Variants in WNK3 observed in about 807,000 individuals in gnomAD.
The protein encoded by WNK3 is WNK lysine deficient protein kinase 3, also known as serine/threonine-protein kinase WNK3.
A neutral mutation model predicts 116.7 loss-of-function variants in WNK3; 18 were observed. The observed-to-expected ratio is 0.15, with a 90% CI of 0.11 to 0.23. The LOEUF (loss-of-function observed/expected upper bound fraction) is 0.23, where lower values mean the gene tolerates loss of function less well. Among genes scored for constraint, WNK3 ranks in the 10% least tolerant of loss-of-function variants. The pLI, the probability that WNK3 is intolerant of heterozygous loss-of-function variation, is 1.00. For synonymous variants in WNK3, 404 were observed against 469.4 expected, an observed-to-expected ratio of 0.86 and a Z score of 1.80; for missense variants, 993 against 1,323.8, an observed-to-expected ratio of 0.75 and a Z score of 3.88.
At chrX:54,347,644 C>T (rs967584693) in intron 1 of WNK3, among the ~76,000 whole-genome samples, 5 of 100,070 alleles carry the variant, frequency 5.0e-5, no homozygotes, top group Middle Eastern at 5.0e-3. Flanking sequence ...AGTGAGACCC[C>T]GTCTCAAAAA....
chrX:54,302,959 A>C (rs1259257532), intron 5 of WNK3, among the ~76,000 whole-genome samples: 3 of 78,217 alleles, frequency 3.8e-5, no homozygotes, highest in Non-Finnish European at 7.1e-5. Context: ...TTTTGTAGAG[A>C]CAAGGTCTTG....
chrX:54,314,478 G>C (rs1230842321), intron 2 of WNK3, among the ~76,000 whole-genome samples: 2 of 111,406 alleles, frequency 1.8e-5, no homozygotes, highest in African/African-American at 6.5e-5. Flanking sequence ...TTAACTAAGA[G>C]ATGTAGCAGG....
intron 2 of WNK3, among the ~76,000 whole-genome samples, chrX:54,312,447 T>C (rs1557169868): frequency 9.0e-6 from 1 of 111,359 alleles, no homozygotes; most frequent in African/African-American, 3.3e-5. Flanking sequence ...TTCTCATTCC[T>C]TTTTTTTCTA....
In WNK3 at chrX:54,225,184, G is replaced by C. The variant is rs781855051; in HGVS notation, c.4870+3530C>G. ...ATCACTTGAGTGAGACCAGGAGGTT[G>C]AGGCTGCAGTGAACAATGATCATGC... On this transcript the variant is annotated intron_variant, in intron 22 of 23. Coordinates refer to ENST00000354646, the Ensembl canonical transcript of WNK3. Among the ~76,000 whole-genome samples, 3 of 109,172 alleles carry C rather than the reference G, an allele frequency of 2.7e-5. No individual in the cohort carries two copies. In the South Asian group the frequency reaches 1.2e-3, roughly 45 times the overall value. 94.8% of individuals were successfully genotyped at this position (109,172 alleles called of 115,157 possible). A position where few individuals can be genotyped will look rare whatever the true frequency, so the allele number is the denominator to read the frequency against.
At chrX:54,251,559 A>G in exon 14 of WNK3, 1 of 1,211,299 alleles carries the variant, frequency 8.3e-7, no homozygotes, top group East Asian at 3.0e-5. Context: ...CCACAGTAAT[A>G]GAATCAACTC....
At chrX:54,351,336 T>C (rs2147344026) in intron 1 of WNK3, among the ~76,000 whole-genome samples, 1 of 110,776 alleles carries the variant, frequency 9.0e-6, no homozygotes, top group Non-Finnish European at 1.9e-5. Flanking sequence ...TTCATCCTTA[T>C]TTTGGCAACC....
intron 1 of WNK3, among the ~76,000 whole-genome samples, chrX:54,346,953 A>G (rs2069439958): frequency 8.9e-6 from 1 of 111,979 alleles, no homozygotes; most frequent in African/African-American, 3.2e-5. Flanking sequence ...TATATTTTCT[A>G]AAGTTTTTCA....
At position 54,250,019 on chromosome X, in the gene WNK3, C is replaced by A. The variant is rs1603381693; in HGVS notation, c.2688G>T (p.Ala896=). The stretch of plus-strand genomic sequence containing the variant: ...TAGGAAGTGGATGTCGGCCAGGAAC[C>A]GCAGACATGGAATGCTGAAGAGAAG... The change falls in exon 16 of 24, where the codon GCG becomes GCT. Residue 896 remains alanine (A), a synonymous_variant. Transcript: ENST00000354646. 2 of 1,203,594 alleles carry A rather than the reference C, an allele frequency of 1.7e-6. No homozygotes were observed. Among genetic ancestry groups the A allele is most frequent in the Non-Finnish European group, 2.2e-6 (2 of 892,261 alleles).
chrX:54,327,840 C>T (rs146006124), intron 2 of WNK3, among the ~76,000 whole-genome samples: 1,295 of 110,477 alleles, frequency 0.012, 21 homozygotes, highest in East Asian at 0.088. Flanking sequence ...TGGTGACACA[C>T]ATCTGTGGTC....
chrX:54,216,155 CG>C (rs370429100), intron 22 of WNK3, among the ~76,000 whole-genome samples: 2 of 109,860 alleles, frequency 1.8e-5, no homozygotes, highest in African/African-American at 6.6e-5. Flanking sequence ...AGGTGGAAGG[CG>C]GCAGGGCCCT....
chrX:54,293,292 T>C (rs782024634), exon 9 of WNK3: 3 of 1,201,980 alleles, frequency 2.5e-6, no homozygotes, highest in Non-Finnish European at 3.4e-6. Context: ...TCTGAATGTA[T>C]AACTGATGCA....
At position 54,222,964 on chromosome X, in the gene WNK3, A is replaced by C. The variant is rs1364911622; in HGVS notation, c.4870+5750T>G. Reference sequence around the variant, plus strand: ...TAAAAAAAGACACAATAGAATTTAAATGCTACATTGGAAAATATCTATTTA... The same window carrying C: ...TAAAAAAAGACACAATAGAATTTAACTGCTACATTGGAAAATATCTATTTA... On this transcript the variant is annotated intron_variant, in intron 22 of 23. Coordinates refer to ENST00000354646, the Ensembl canonical transcript of WNK3. Among the ~76,000 whole-genome samples, 3 of 101,898 alleles carry C rather than the reference A, an allele frequency of 2.9e-5. No homozygotes were observed. In the South Asian group the frequency reaches 1.3e-3, roughly 45 times the overall value. The allele number at this position is 101,898 out of a possible 115,157, so 88.5% of individuals were successfully genotyped here. A position where few individuals can be genotyped will look rare whatever the true frequency, so the allele number is the denominator to read the frequency against.
rs1236930800 is a variant in WNK3, at chrX:54,348,413, C to T, written c.-120+9273G>A. On this transcript the variant is annotated intron_variant, in intron 1 of 23. Transcript: ENST00000354646. ...GCTGGTCTCCTGGGCTCAGGTGATCCGCTGGCCTCGGCCTCCCCAAAGTGC... is the reference window on the plus strand; with the variant it reads ...GCTGGTCTCCTGGGCTCAGGTGATCTGCTGGCCTCGGCCTCCCCAAAGTGC... Among the ~76,000 whole-genome samples the T allele has an allele frequency of 3.5e-4, 39 of 111,277 alleles. 1 individual carries two copies. The highest frequency in any genetic ancestry group is 1.1e-3 in the African/African-American group (34 of 30,668).
chrX:54,337,470 A>C (rs1347528650), intron 1 of WNK3, among the ~76,000 whole-genome samples: 18 of 108,488 alleles, frequency 1.7e-4, no homozygotes, highest in Admixed American at 7.2e-4. Context: ...TGAGGCAGAG[A>C]ATTGCTTGAA....
At chrX:54,281,234 C>A (rs1011964154) in intron 10 of WNK3, among the ~76,000 whole-genome samples, 1 of 111,250 alleles carries the variant, frequency 9.0e-6, no homozygotes, top group African/African-American at 3.3e-5. Context: ...CCTGTAATCC[C>A]GGCACTTTGG....
intron 13 of WNK3, 56 bp from the exon 14 acceptor site, chrX:54,251,743 T>A: frequency 2.7e-6 from 3 of 1,102,463 alleles, no homozygotes; most frequent in Non-Finnish European, 3.6e-6. Flanking sequence ...AAAGTTATAA[T>A]ATTATATAAA....
chrX:54,331,413 T>C lies in WNK3; in HGVS notation c.537+1724A>G, dbSNP rs188563817. 9.3e-3 allele frequency among the ~76,000 whole-genome samples: 1,029 copies of C among 110,073 alleles called. 9 individuals carry two copies. The highest frequency in any genetic ancestry group is 0.032 in the African/African-American group (963 of 30,391). Reference sequence around the variant, plus strand: ...ATATATATATATACACACATACATATACCAGAAAGATGTATATACTAAAAT... The same window carrying C: ...ATATATATATATACACACATACATACACCAGAAAGATGTATATACTAAAAT... On this transcript the variant is annotated intron_variant, in intron 2 of 23. Transcript: ENST00000354646.
At chrX:54,275,789 C>T (rs1001257423) in intron 10 of WNK3, among the ~76,000 whole-genome samples, 118 of 110,857 alleles carry the variant, frequency 1.1e-3, no homozygotes, top group African/African-American at 3.5e-3. Context: ...ATTAACTATA[C>T]ACTTTCTACA....
intron 22 of WNK3, among the ~76,000 whole-genome samples, chrX:54,214,694 T>C (rs1402298816): frequency 9.0e-6 from 1 of 111,350 alleles, no homozygotes; most frequent in African/African-American, 3.3e-5. Flanking sequence ...GGAGCAATCA[T>C]ACCTCTTTTT....
Sources: gnomAD v4.1 joint callset for allele counts (sites outside exome capture counted in the v4.1 genomes callset) on GRCh38, gnomAD v4.1.1 for gene constraint, MANE v1.5 for transcripts, NCBI Gene and HGNC (gene_info 2026-07-23, HGNC 2026-07-21) for gene names.